MDGA2: variants seen among roughly 807,000 people sequenced by gnomAD.
MDGA2 encodes the protein MAM domain containing glycosylphosphatidylinositol anchor 2, also known as MAM domain-containing glycosylphosphatidylinositol anchor protein 2.
In MDGA2, 40 loss-of-function variants were observed where a neutral mutation model predicts 117.8. The ratio of observed to expected loss-of-function variants is 0.34; its 90% CI spans 0.26 to 0.44. The LOEUF (loss-of-function observed/expected upper bound fraction) is 0.44, where lower values mean the gene tolerates loss of function less well. Ranked by LOEUF, MDGA2 falls within the 20% of genes least tolerant of loss-of-function variation. MDGA2 has a pLI of 1.00. For missense variants in MDGA2, 1,123 were observed against 1,250.6 expected (o/e 0.90, Z 1.54); for synonymous variants, 452 against 439.0 (o/e 1.03, Z -0.37).
At chr14:46,982,725 A>T (rs1407532276) in intron 8 of MDGA2, among the ~76,000 whole-genome samples, 1 of 150,082 alleles carries the variant, frequency 6.7e-6, no homozygotes, top group Non-Finnish European at 1.5e-5. Context: ...AAAAAAAAAA[A>T]AAAAAAAAAA....
intron 1 of MDGA2, among the ~76,000 whole-genome samples, chr14:47,396,508 A>T (rs1892012353): frequency 6.6e-6 from 1 of 152,226 alleles, no homozygotes; most frequent in Non-Finnish European, 1.5e-5. Flanking sequence ...TAAACTGAAG[A>T]GCTTCTGCAC....
intron 1 of MDGA2, among the ~76,000 whole-genome samples, chr14:47,468,039 T>A (rs893770448): frequency 6.6e-6 from 1 of 152,070 alleles, no homozygotes; most frequent in African/African-American, 2.4e-5. Flanking sequence ...CTTACAGAAG[T>A]GACACATTGA....
intron 7 of MDGA2, among the ~76,000 whole-genome samples, chr14:47,036,811 T>G (rs1594552201): frequency 6.6e-6 from 1 of 152,256 alleles, no homozygotes; most frequent in East Asian, 1.9e-4. Context: ...AAATTCAAGT[T>G]CAAAGTGATA....
intron 1 of MDGA2, among the ~76,000 whole-genome samples, chr14:47,614,080 CTTGTT>C (rs1381915844): frequency 8.3e-6 from 1 of 120,744 alleles, no homozygotes; most frequent in Non-Finnish European, 1.7e-5. Flanking sequence ...ATTGGTTATT[CTTGTT>C]TTCTTTTTTC....
At chr14:47,461,571 C>G (rs982400212) in intron 1 of MDGA2, among the ~76,000 whole-genome samples, 1 of 152,062 alleles carries the variant, frequency 6.6e-6, no homozygotes, top group African/African-American at 2.4e-5. Context: ...AGCATCCTCT[C>G]CTTTACAGGC....
intron 1 of MDGA2, among the ~76,000 whole-genome samples, chr14:47,466,951 G>A (rs886937084): frequency 2.0e-5 from 3 of 152,014 alleles, no homozygotes; most frequent in East Asian, 3.9e-4. Context: ...GAACAAGAAG[G>A]GTAATTGAAT....
chr14:47,158,032 T>C (rs200005235), intron 3 of MDGA2, among the ~76,000 whole-genome samples: 7 of 142,266 alleles, frequency 4.9e-5, no homozygotes, highest in South Asian at 2.3e-4. Context: ...CACACACACA[T>C]ACATTATACA....
chr14:47,038,844 A>G (rs1289132358), intron 7 of MDGA2, among the ~76,000 whole-genome samples: 2 of 151,598 alleles, frequency 1.3e-5, no homozygotes, highest in Non-Finnish European at 2.9e-5. Flanking sequence ...CTGGAGGCTT[A>G]GGGGCTCAGG....
intron 1 of MDGA2, among the ~76,000 whole-genome samples, chr14:47,566,715 T>G (rs569146895): frequency 1.3e-5 from 2 of 152,116 alleles, no homozygotes; most frequent in East Asian, 3.9e-4. Flanking sequence ...GGCCAGGAAC[T>G]AGTCCTAGTA....
intron 1 of MDGA2, among the ~76,000 whole-genome samples, chr14:47,315,065 T>G (rs1017211516): frequency 6.6e-6 from 1 of 151,990 alleles, no homozygotes; most frequent in East Asian, 1.9e-4. Context: ...TATTTTTCAA[T>G]TTTTTTGTAC....
chr14:47,454,288 C>T (rs1288695434), intron 1 of MDGA2, among the ~76,000 whole-genome samples: 1 of 151,984 alleles, frequency 6.6e-6, no homozygotes, highest in Non-Finnish European at 1.5e-5. Flanking sequence ...TTTCTCTTTC[C>T]CTCTGAACTG....
chr14:47,477,109 C>A (rs556179282), intron 1 of MDGA2, among the ~76,000 whole-genome samples: 2 of 152,174 alleles, frequency 1.3e-5, no homozygotes, highest in African/African-American at 4.8e-5. Flanking sequence ...TTGCAGTGAG[C>A]CGAGATCGTG....
intron 1 of MDGA2, among the ~76,000 whole-genome samples, chr14:47,493,009 T>C (rs966113647): frequency 6.6e-6 from 1 of 152,054 alleles, no homozygotes. Context: ...TTATTGTTGA[T>C]ATTCTTGAAG....
At chr14:47,492,209 A>G (rs1894184320) in intron 1 of MDGA2, among the ~76,000 whole-genome samples, 1 of 152,144 alleles carries the variant, frequency 6.6e-6, no homozygotes. Context: ...AATATGTTGA[A>G]GTTGATTTCG....
At position 47,401,460 on chromosome 14, in the gene MDGA2, T is replaced by G. The variant is rs1458112596; in HGVS notation, c.281-99910A>C. Among the ~76,000 whole-genome samples the G allele has an allele frequency of 2.0e-5, 3 of 152,342 alleles. No homozygotes were observed. In the East Asian group the frequency reaches 5.8e-4, roughly 29 times the overall value. Reference sequence around the variant, plus strand: ...AGAAAAGGGCGATAATGTAGCCTAATTATGTACAACCAGCATGATCAACTT... The same window carrying G: ...AGAAAAGGGCGATAATGTAGCCTAAGTATGTACAACCAGCATGATCAACTT... On this transcript the variant is annotated intron_variant, in intron 1 of 16. Coordinates refer to ENST00000399232, the MANE Select transcript of MDGA2 (RefSeq NM_001113498.3).
chr14:47,054,005 T>G (rs1189909406), intron 7 of MDGA2, among the ~76,000 whole-genome samples: 1 of 151,908 alleles, frequency 6.6e-6, no homozygotes, highest in East Asian at 1.9e-4. Flanking sequence ...TGCACTACAT[T>G]AGTCTGCCTG....
chr14:47,073,661 G>T (rs1468551374), intron 6 of MDGA2, among the ~76,000 whole-genome samples: 1 of 152,182 alleles, frequency 6.6e-6, no homozygotes, highest in East Asian at 1.9e-4. Context: ...TCATTATTGT[G>T]AAAGGGTAAG....
At chr14:47,490,821 T>C (rs1894153493) in intron 1 of MDGA2, among the ~76,000 whole-genome samples, 1 of 152,150 alleles carries the variant, frequency 6.6e-6, no homozygotes, top group African/African-American at 2.4e-5. Flanking sequence ...AAGGGTTGTA[T>C]GATTCCCTGA....
intron 8 of MDGA2, among the ~76,000 whole-genome samples, chr14:46,981,982 A>G (rs1353787807): frequency 1.3e-5 from 2 of 152,244 alleles, no homozygotes; most frequent in Non-Finnish European, 2.9e-5. Flanking sequence ...TTCAACTTAG[A>G]GCTTCAGAAG....
Sources: allele counts gnomAD v4.1 joint callset (sites outside exome capture counted in the v4.1 genomes callset), GRCh38; gene constraint gnomAD v4.1.1; transcripts MANE v1.5; gene names NCBI Gene and HGNC (gene_info 2026-07-23, HGNC 2026-07-21).